ERICH1: variants seen among roughly 807,000 people sequenced by gnomAD.
ERICH1 encodes the protein glutamate rich 1.
Under a neutral mutation model 39.6 loss-of-function variants are expected in ERICH1, and 56 were observed. The observed-to-expected ratio is 1.41, with a 90% confidence interval of 1.14 to 1.77. ERICH1 has a LOEUF of 1.77. Ranked by LOEUF, ERICH1 falls within the 40% of genes most tolerant of loss-of-function variation. The probability of loss-of-function intolerance (pLI) is 0.00; values close to 1 mark genes in which losing one functional copy is unlikely to be tolerated. For synonymous variants in ERICH1, 313 were observed against 223.6 expected (o/e 1.40, Z -3.57); for missense variants, 826 against 575.4 (o/e 1.44, Z -4.45).
chr8:620,540 T>C (rs1797220149), intron 3 of ERICH1, among the ~76,000 whole-genome samples: 1 of 152,148 alleles, frequency 6.6e-6, no homozygotes. Context: ...AGAAAAAGTA[T>C]TCATATTCTG....
rs776402342 is a variant in ERICH1 at position 673,576 on chromosome 8, G to A, written c.776C>T (p.Thr259Ile). ...TTTAACGTCTTCCTCCCCGGCCGGT[G>A]TCGGATCTTCCTCACTGGCGTCCGC... ...EGADASEEDP[T>I]PAGEEDVKDA... Residue 259 changes from threonine (T) to isoleucine (I), a missense_variant, in exon 4 of 6, where the codon ACA becomes ATA. Physicochemically the swap from Thr to Ile is moderately conservative, Grantham distance 89. Coordinates refer to ENST00000262109, the MANE Select transcript of ERICH1 (RefSeq NM_207332.3). The A allele has an allele frequency of 4.5e-6, 7 of 1,553,160 alleles. No individual in the cohort carries two copies. The East Asian group carries it at 1.4e-4, about 30-fold the overall frequency.
At chr8:699,465 C>G (rs1239818960) in intron 2 of ERICH1, among the ~76,000 whole-genome samples, 2 of 152,198 alleles carry the variant, frequency 1.3e-5, no homozygotes, top group Non-Finnish European at 1.5e-5. Context: ...CAAGGACAAG[C>G]ACGAGCACAA....
intron 3 of ERICH1, among the ~76,000 whole-genome samples, chr8:634,126 T>TAA (rs370523658): frequency 3.5e-5 from 4 of 114,926 alleles, no homozygotes; most frequent in African/African-American, 1.3e-4. Flanking sequence ...ATGCATCTAG[T>TAA]AAGGGGTTAA....
chr8:641,301 C>G (rs1199074157), intron 3 of ERICH1: 1 of 152,200 alleles, frequency 6.6e-6, no homozygotes, highest in Non-Finnish European at 1.5e-5. Context: ...AGCAAACAAT[C>G]TTCATACTTT....
chr8:635,047 C>T (rs1004526185), intron 3 of ERICH1, among the ~76,000 whole-genome samples: 1 of 151,938 alleles, frequency 6.6e-6, no homozygotes, highest in Admixed American at 6.6e-5. Context: ...GGGGGTGTCC[C>T]AGGCTTTGGA....
intron 2 of ERICH1, among the ~76,000 whole-genome samples, chr8:711,185 T>A (rs536914642): frequency 6.6e-6 from 1 of 152,370 alleles, no homozygotes; most frequent in South Asian, 2.1e-4. Context: ...TGGCCCATTT[T>A]CTTATTAAGT....
At chr8:622,917 C>A (rs1301404803) in intron 3 of ERICH1, among the ~76,000 whole-genome samples, 1 of 151,594 alleles carries the variant, frequency 6.6e-6, no homozygotes, top group Non-Finnish European at 1.5e-5. Context: ...ATGATTGTAC[C>A]ACTGTACTCC....
At position 664,342 on chromosome 8, in the gene ERICH1, C is replaced by T. The variant is rs1801868640; in HGVS notation, c.*261G>A. On this transcript the variant is annotated 3_prime_UTR_variant, in exon 6 of 6. Transcript: ENST00000262109. ...ACAGAATGTCCATTTTCAATTTTTA[C>T]AATAAGTAGAGAAACAGAATCAAGT... 1 of 1,107,632 alleles carries T rather than the reference C, an allele frequency of 9.0e-7. No individual in the cohort carries two copies. Among genetic ancestry groups the T allele is most frequent in the Non-Finnish European group, 1.1e-6 (1 of 909,492 alleles). 68.6% of individuals were successfully genotyped at this position (1,107,632 alleles called of 1,614,324 possible). A position where few individuals can be genotyped will look rare whatever the true frequency, so the allele number is the denominator to read the frequency against.
At position 692,565 on chromosome 8, in the gene ERICH1, C is replaced by T. The variant is rs763310568; in HGVS notation, c.217G>A (p.Gly73Arg). The part of the protein sequence containing the change: ...PTARRLYTAS[G>R]PPEGYVPCWP... ...CAGGGGACGTAGCCCTCAGGAGGCCCGCTGGCAGTGTAGAGCCGTCGGGCA... is the reference window on the plus strand; with the variant it reads ...CAGGGGACGTAGCCCTCAGGAGGCCTGCTGGCAGTGTAGAGCCGTCGGGCA... Residue 73 changes from glycine (G) to arginine (R), a missense_variant, in exon 3 of 6, where the codon GGG becomes AGG. By Grantham distance (125) the Gly-to-Arg change is moderately radical. Coordinates refer to ENST00000262109, the MANE Select transcript of ERICH1 (RefSeq NM_207332.3). 3.0e-5 allele frequency: 48 copies of T among 1,612,912 alleles called. No individual in the cohort carries two copies. The highest frequency in any genetic ancestry group is 1.6e-4 in the Middle Eastern group (1 of 6,076).
chr8:621,616 C>T (rs369485039), intron 3 of ERICH1, among the ~76,000 whole-genome samples: 1 of 151,766 alleles, frequency 6.6e-6, no homozygotes, highest in Admixed American at 6.6e-5. Flanking sequence ...ATAACTGACA[C>T]AGAGAATAGA....
Position 653,177 on chromosome 8 carries a change from AG to A in ERICH1, c.976+15420del, listed in dbSNP as rs546493285. 4.2e-3 allele frequency among the ~76,000 whole-genome samples: 636 copies of A among 152,368 alleles called. 8 individuals carry two copies. Among genetic ancestry groups the A allele is most frequent in the African/African-American group, 0.014 (591 of 41,590 alleles). ...ATGTACAGAGTAACATTATTCTAAC[AG>A]CCAAAAGGTGAAAACAGCACCATGT... On this transcript the variant is annotated intron_variant, in intron 3 of 3. Coordinates refer to the ERICH1 transcript ENST00000522706.
chr8:688,867 T>G (rs12156205), intron 3 of ERICH1, among the ~76,000 whole-genome samples: 35,406 of 152,170 alleles, frequency 0.23, 4,402 homozygotes, highest in Middle Eastern at 0.39. Context: ...CAAAATATTT[T>G]TCTAGCGCTG....
intron 3 of ERICH1, among the ~76,000 whole-genome samples, chr8:683,639 T>A (rs1307389034): frequency 6.6e-6 from 1 of 152,216 alleles, no homozygotes; most frequent in African/African-American, 2.4e-5. Context: ...ATTTAGCTTT[T>A]GATTCCAAAT....
chr8:728,345 A>ACT (rs1819272132), intron 1 of ERICH1, among the ~76,000 whole-genome samples: 2 of 152,202 alleles, frequency 1.3e-5, no homozygotes, highest in Non-Finnish European at 2.9e-5. Flanking sequence ...GGAACCGTCC[A>ACT]GGGAGGAGGA....
chr8:644,171 G>T (rs1030366075), intron 3 of ERICH1, among the ~76,000 whole-genome samples: 8 of 152,098 alleles, frequency 5.3e-5, no homozygotes, highest in Non-Finnish European at 8.8e-5. Flanking sequence ...CCTAAGGCAA[G>T]TGCCTGGCCT....
At position 664,362 on chromosome 8, in the gene ERICH1, T is replaced by A. The variant is rs1563204362; in HGVS notation, c.*241A>T. 11 of 1,148,298 alleles carry A rather than the reference T, an allele frequency of 9.6e-6. No individual in the cohort carries two copies. The East Asian group carries it at 4.6e-4, about 48-fold the overall frequency. The allele number at this position is 1,148,298 out of a possible 1,614,324, so 71.1% of individuals were successfully genotyped here. ...TTTTACAATAAGTAGAGAAACAGAA[T>A]CAAGTTTTATGTAGTAATTCAAGAT... On this transcript the variant is annotated 3_prime_UTR_variant, in exon 6 of 6. Transcript: ENST00000262109.
At chr8:713,543 C>G (rs997546604) in intron 2 of ERICH1, among the ~76,000 whole-genome samples, 2 of 152,116 alleles carry the variant, frequency 1.3e-5, no homozygotes, top group African/African-American at 4.8e-5. Context: ...TCTCACTTGT[C>G]TTCTATCCTT....
At chr8:684,862 T>C (rs1165971963) in intron 3 of ERICH1, among the ~76,000 whole-genome samples, 1 of 152,126 alleles carries the variant, frequency 6.6e-6, no homozygotes, top group Non-Finnish European at 1.5e-5. Context: ...AAATACGGTA[T>C]GGGTCACAGA....
chr8:698,218 CTTTTCT>C (rs1810824529), intron 2 of ERICH1, among the ~76,000 whole-genome samples: 1 of 94,496 alleles, frequency 1.1e-5, no homozygotes, highest in Admixed American at 1.2e-4. Context: ...AATCATATTC[CTTTTCT>C]TTTTTTTTTT....
Sources: allele counts gnomAD v4.1 joint callset (sites outside exome capture counted in the v4.1 genomes callset), GRCh38; gene constraint gnomAD v4.1.1; transcripts MANE v1.5; gene names NCBI Gene and HGNC (gene_info 2026-07-23, HGNC 2026-07-21).